Variants in LY6E observed in about 807,000 individuals in gnomAD.
LY6E encodes the protein lymphocyte antigen 6E.
Under a neutral mutation model 7.7 loss-of-function variants are expected in LY6E, and 4 were observed. The ratio of observed to expected loss-of-function variants is 0.52; its 90% CI spans 0.25 to 1.18. The LOEUF is 1.18. Among genes scored for constraint, LY6E ranks in the 50% most tolerant of loss-of-function variants. The probability of loss-of-function intolerance (pLI) is 0.14; values close to 1 mark genes in which losing one functional copy is unlikely to be tolerated. For missense variants in LY6E, 156 were observed against 168.0 expected, an observed-to-expected ratio of 0.93 and a Z score of 0.40; for synonymous variants, 81 against 80.1, an observed-to-expected ratio of 1.01 and a Z score of -0.06.
In LY6E at chr8:143,021,363, C is replaced by G; in HGVS notation, c.102C>G (p.Tyr34Ter). 6 of 1,614,042 alleles carry G rather than the reference C, an allele frequency of 3.7e-6. No homozygotes were observed. The highest frequency in any genetic ancestry group is 5.1e-6 in the Non-Finnish European group (6 of 1,180,036). ...FSCLNQKSNL[Y>*]CLKPTICSDQ... ...GCTTGAACCAGAAGAGCAATCTGTA[C>G]TGCCTGAAGCCGACCATCTGCTCCG... is the stretch of plus-strand genomic sequence containing the variant. The change falls in exon 3 of 4, where the codon TAC becomes TAG. Residue 34 changes from tyrosine (Y) to a stop codon, truncating the protein, a stop_gained. Coordinates refer to ENST00000292494, the MANE Select transcript of LY6E (RefSeq NM_002346.3). LOFTEE classifies it high-confidence loss of function.
chr8:143,021,486 C>T (rs758771665), intron 3 of LY6E, 53 bp downstream of exon 3: 21 of 1,613,350 alleles, frequency 1.3e-5, no homozygotes, highest in African/African-American at 4.0e-5. Flanking sequence ...CTCCCTAGCC[C>T]GGGCCGGGGC....
intron 1 of LY6E, among the ~76,000 whole-genome samples, chr8:143,020,002 G>A (rs1018176425): frequency 2.6e-5 from 4 of 152,160 alleles, no homozygotes; most frequent in South Asian, 2.1e-4. Flanking sequence ...CTTGTCTCTC[G>A]GAGCCCATTT....
chr8:143,019,872 C>T (rs191708865), intron 1 of LY6E, among the ~76,000 whole-genome samples: 2 of 152,342 alleles, frequency 1.3e-5, no homozygotes, highest in African/African-American at 2.4e-5. Context: ...GAATCACGAC[C>T]CCAGCTGGGT....
chr8:143,021,139 T>G, intron 2 of LY6E, 148 bp downstream of exon 2: 2 of 1,223,964 alleles, frequency 1.6e-6, no homozygotes, highest in Non-Finnish European at 2.3e-6. Flanking sequence ...ACTGTCTCAC[T>G]GTGTGTTTGA....
At position 143,021,862 on chromosome 8, in the gene LY6E, T is replaced by C. The variant is rs1819235202; in HGVS notation, c.*73T>C. 7.3e-7 allele frequency: 1 copy of C among 1,374,720 alleles called. No individual in the cohort carries two copies. Among genetic ancestry groups the C allele is most frequent in the Non-Finnish European group, 9.8e-7 (1 of 1,016,196 alleles). The allele number at this position is 1,374,720 out of a possible 1,614,324, so 85.2% of individuals were successfully genotyped here. On this transcript the variant is annotated 3_prime_UTR_variant, in exon 4 of 4. Transcript: ENST00000292494. ...AGCCCTTTCTGGATCCCACAGTGTA[T>C]GGGAGCCCCTGACTCCTCACGTGCC...
chr8:143,022,111 C>T lies in LY6E; in HGVS notation c.*322C>T. On this transcript the variant is annotated 3_prime_UTR_variant, in exon 4 of 4. Coordinates refer to ENST00000292494, the MANE Select transcript of LY6E (RefSeq NM_002346.3). ...GACAGGGTCCCCAGGGAGACCGTGT[C>T]AGTAGGGATGTGTGCCTGGCTGTGT... 2 of 482,970 alleles carry T rather than the reference C, an allele frequency of 4.1e-6. No individual in the cohort carries two copies. The highest frequency in any genetic ancestry group is 6.4e-5 in the South Asian group (2 of 31,082). 29.9% of individuals were successfully genotyped at this position (482,970 alleles called of 1,614,324 possible). A position where few individuals can be genotyped will look rare whatever the true frequency, so the allele number is the denominator to read the frequency against.
intron 3 of LY6E, 52 bp from the exon 4 acceptor site, chr8:143,021,514 T>TGTCTGTCTGCAGCC (rs1819222552): frequency 2.5e-6 from 4 of 1,612,878 alleles, no homozygotes; most frequent in East Asian, 2.2e-5. Context: ...AGGCCATTGC[T>TGTCTGTCTGCAGCC]GTCTGTCTGC....
At chr8:143,020,074 C>T (rs910078254) in intron 1 of LY6E, among the ~76,000 whole-genome samples, 1 of 152,124 alleles carries the variant, frequency 6.6e-6, no homozygotes, top group Non-Finnish European at 1.5e-5. Flanking sequence ...AACTGAGTAA[C>T]ATCAGGAATG....
intron 1 of LY6E, among the ~76,000 whole-genome samples, chr8:143,019,421 G>A (rs2130448810): frequency 6.6e-6 from 1 of 152,352 alleles, no homozygotes; most frequent in African/African-American, 2.4e-5. Flanking sequence ...GTGCCACCCA[G>A]TGAGCAGGTG....
intron 3 of LY6E, 59 bp downstream of exon 3, chr8:143,021,492 G>C: frequency 6.2e-7 from 1 of 1,613,204 alleles, no homozygotes; most frequent in Non-Finnish European, 8.5e-7. Flanking sequence ...AGCCCGGGCC[G>C]GGGCTCAGCA....
chr8:143,020,655 TTCC>T (rs1483753051), intron 1 of LY6E, among the ~76,000 whole-genome samples: 7 of 152,204 alleles, frequency 4.6e-5, no homozygotes, highest in Admixed American at 1.3e-4. Flanking sequence ...GCTGCTGAGT[TTCC>T]TCCTCTTGCC....
intron 1 of LY6E, among the ~76,000 whole-genome samples, chr8:143,019,938 C>A (rs1296303627): frequency 6.6e-6 from 1 of 152,256 alleles, no homozygotes. Context: ...GGCCGAGGAG[C>A]AGTACAGCGA....
At position 143,021,823 on chromosome 8, in the gene LY6E, A is replaced by C; in HGVS notation, c.*34A>C. 1.4e-5 allele frequency: 21 copies of C among 1,551,196 alleles called. No homozygotes were observed. Among genetic ancestry groups the C allele is most frequent in the Non-Finnish European group, 1.8e-5 (21 of 1,148,940 alleles). ...ACCCTGTCCCCCGATCCCCCAGCTC[A>C]GGAAGGAAAGCCCAGCCCTTTCTGG... On this transcript the variant is annotated 3_prime_UTR_variant, in exon 4 of 4. Coordinates refer to ENST00000292494, the MANE Select transcript of LY6E (RefSeq NM_002346.3).
intron 1 of LY6E, among the ~76,000 whole-genome samples, 166 bp from the exon 2 acceptor site, chr8:143,020,717 T>C (rs1819198033): frequency 6.6e-6 from 1 of 152,212 alleles, no homozygotes; most frequent in Admixed American, 6.5e-5. Flanking sequence ...GCCTAGAGCA[T>C]GTCTGCACTG....
chr8:143,019,947 G>A (rs1010808203), intron 1 of LY6E, among the ~76,000 whole-genome samples: 2 of 152,212 alleles, frequency 1.3e-5, no homozygotes, highest in Admixed American at 6.5e-5. Flanking sequence ...GCAGTACAGC[G>A]ACCCATCTGG....
Position 143,021,454 on chromosome 8 carries a change from C to T in LY6E, c.172+21C>T, listed in dbSNP as rs113626160. ...CATTGGTGAGTGCCAGGCCTCAGAC[C>T]GTGCCTTCCTCCCCTGGCCATCTCC... On this transcript the variant is annotated intron_variant, in intron 3 of 3. Coordinates refer to ENST00000292494, the MANE Select transcript of LY6E (RefSeq NM_002346.3). 3.6e-4 allele frequency: 576 copies of T among 1,613,856 alleles called. 2 individuals carry two copies. The African/African-American group carries it at 6.9e-3, about 19-fold the overall frequency.
chr8:143,021,473 C>G, intron 3 of LY6E, 40 bp downstream of exon 3: 2 of 1,613,762 alleles, frequency 1.2e-6, no homozygotes, highest in Non-Finnish European at 1.7e-6. Flanking sequence ...CTCCCCTGGC[C>G]ATCTCCCTAG....
intron 1 of LY6E, among the ~76,000 whole-genome samples, chr8:143,019,306 G>A (rs1819152542): frequency 6.6e-6 from 1 of 152,182 alleles, no homozygotes; most frequent in African/African-American, 2.4e-5. Context: ...CGCCCCCCAC[G>A]GCCTGCCGGC....
intron 1 of LY6E, among the ~76,000 whole-genome samples, chr8:143,019,303 C>G (rs889516155): frequency 6.6e-6 from 1 of 152,222 alleles, no homozygotes; most frequent in Non-Finnish European, 1.5e-5. Flanking sequence ...GGGCGCCCCC[C>G]ACGGCCTGCC....
Sources: gnomAD v4.1 joint callset for allele counts (sites outside exome capture counted in the v4.1 genomes callset) on GRCh38, gnomAD v4.1.1 for gene constraint, MANE v1.5 for transcripts, NCBI Gene and HGNC (gene_info 2026-07-23, HGNC 2026-07-21) for gene names.